The following AK7 variants were observed in gnomAD, a reference collection of about 807,000 sequenced individuals.
The protein encoded by AK7 is ATP-AMP transphosphorylase 7.
AK7 carries 78 observed loss-of-function variants against 96.6 expected under a neutral mutation model. The ratio of observed to expected loss-of-function variants is 0.81; its 90% CI spans 0.67 to 0.97. The LOEUF (loss-of-function observed/expected upper bound fraction) is 0.97, where lower values mean the gene tolerates loss of function less well. Among genes scored for constraint, AK7 ranks in the 50% least tolerant of loss-of-function variants. The pLI, the probability that AK7 is intolerant of heterozygous loss-of-function variation, is 0.00. For synonymous variants in AK7, 302 were observed against 317.2 expected (o/e 0.95, Z 0.51); for missense variants, 855 against 887.9 (o/e 0.96, Z 0.47).
intron 2 of AK7, among the ~76,000 whole-genome samples, chr14:96,400,139 A>G (rs1383050121): frequency 1.4e-5 from 2 of 147,880 alleles, no homozygotes; most frequent in African/African-American, 5.0e-5. Flanking sequence ...CCTGGGTTCA[A>G]GCGATTCTCC....
chr14:96,451,762 C>T (rs1332720667), intron 10 of AK7, among the ~76,000 whole-genome samples, 192 bp downstream of exon 10: 1 of 152,060 alleles, frequency 6.6e-6, no homozygotes, highest in African/African-American at 2.4e-5. Flanking sequence ...GTGAACCAAA[C>T]ATGAACAGTT....
chr14:96,468,280 G>A (rs961636511), intron 12 of AK7, among the ~76,000 whole-genome samples: 3 of 140,114 alleles, frequency 2.1e-5, no homozygotes, highest in Non-Finnish European at 4.6e-5. Context: ...CAAATACATA[G>A]CTTTTGCACT....
chr14:96,423,774 C>T, intron 5 of AK7: 1 of 736,294 alleles, frequency 1.4e-6, no homozygotes, highest in South Asian at 1.3e-5. Context: ...GCCACCGGGA[C>T]CCCGAGCGCG....
intron 6 of AK7, among the ~76,000 whole-genome samples, chr14:96,439,049 A>G (rs532843740): frequency 2.0e-4 from 30 of 152,320 alleles, no homozygotes; most frequent in African/African-American, 6.7e-4. Flanking sequence ...GTACAATGCA[A>G]TGAAAAGTTC....
chr14:96,414,658 G>A (rs1311666134), intron 4 of AK7, among the ~76,000 whole-genome samples: 2 of 152,024 alleles, frequency 1.3e-5, no homozygotes, highest in African/African-American at 2.4e-5. Flanking sequence ...TGTGGTAGGC[G>A]CTATGTCTGG....
intron 5 of AK7, among the ~76,000 whole-genome samples, chr14:96,426,142 T>C (rs1272698832): frequency 6.6e-6 from 1 of 152,220 alleles, no homozygotes; most frequent in African/African-American, 2.4e-5. Flanking sequence ...TCTGGTGATA[T>C]GATTTAGTTT....
At chr14:96,483,313 G>A in intron 16 of AK7, 94 bp downstream of exon 16, 1 of 1,262,748 alleles carries the variant, frequency 7.9e-7, no homozygotes, top group Non-Finnish European at 1.1e-6. Flanking sequence ...TTCCCATCCT[G>A]CTCTAGGGAA....
chr14:96,443,091 A>G (rs1893046719), intron 7 of AK7, among the ~76,000 whole-genome samples: 1 of 152,226 alleles, frequency 6.6e-6, no homozygotes, highest in African/African-American at 2.4e-5. Flanking sequence ...CAATTTTGGA[A>G]AAGAAAGAAC....
rs35861988 is a variant in AK7 at position 96,425,480 on chromosome 14, A to ATTTTTT, written c.609+4563_609+4568dup. Among the ~76,000 whole-genome samples, 146 of 119,080 alleles carry ATTTTTT rather than the reference A, an allele frequency of 1.2e-3. 1 individual carries two copies. The highest frequency in any genetic ancestry group is 1.7e-3 in the Non-Finnish European group (103 of 60,334). 78.1% of individuals were successfully genotyped at this position (119,080 alleles called of 152,430 possible). The stretch of plus-strand genomic sequence containing the variant: ...TTTCATCTTTTAATGAGTCACACTG[A>ATTTTTT]TTTTTTTTTTTTTTTTTTTTGAGAC... On this transcript the variant is annotated intron_variant, in intron 5 of 17. Coordinates refer to ENST00000267584, the MANE Select transcript of AK7 (RefSeq NM_152327.5).
In AK7 at chr14:96,483,207, C is replaced by T. The variant is rs763646429; in HGVS notation, c.1962C>T (p.Arg654=). The T allele has an allele frequency of 6.9e-6, 11 of 1,602,104 alleles. No individual in the cohort carries two copies. Among genetic ancestry groups the T allele is most frequent in the Non-Finnish European group, 9.4e-6 (11 of 1,174,800 alleles). Residue 654 remains arginine, a synonymous_variant, in exon 16 of 18, where the codon CGC becomes CGT. Coordinates refer to ENST00000267584, the MANE Select transcript of AK7 (RefSeq NM_152327.5). ...TGGAGATGGCAGAGAAGATAGCTCG[C>T]TGGGAGGAGTGGGTGAGTGGTGAGT... ...EAVEMAEKIA[R]WEEWNKRLEE...
chr14:96,483,097 A>C lies in AK7; in HGVS notation c.1852A>C (p.Lys618Gln), dbSNP rs775366162. 1.2e-6 allele frequency: 2 copies of C among 1,614,208 alleles called. No individual in the cohort carries two copies. Among genetic ancestry groups the C allele is most frequent in the Admixed American group, 1.7e-5 (1 of 60,016 alleles). Residue 618 changes from lysine to glutamine, a missense_variant, in exon 16 of 18, where the codon AAG (lysine) becomes CAG (glutamine). Transcript: ENST00000267584. ...AAATTATGGTTTAACAGACGAAGAA[A>C]AGGCAGAAGAGGAGCGGAAGGCTGC... ...PRNYGLTDEE[K>Q]AEEERKAAEE...
At chr14:96,455,601 A>G (rs1384366678) in intron 10 of AK7, among the ~76,000 whole-genome samples, 1 of 152,242 alleles carries the variant, frequency 6.6e-6, no homozygotes. Flanking sequence ...TTGCTTTGTT[A>G]CTGTTCCAAA....
chr14:96,472,522 C>T (rs867542454), intron 13 of AK7, among the ~76,000 whole-genome samples, 165 bp from the exon 14 acceptor site: 1 of 152,176 alleles, frequency 6.6e-6, no homozygotes, highest in Non-Finnish European at 1.5e-5. Context: ...TTTATCCATG[C>T]ATCTATCAAT....
intron 10 of AK7, among the ~76,000 whole-genome samples, 179 bp downstream of exon 10, chr14:96,451,749 C>G (rs1034518581): frequency 2.0e-5 from 3 of 151,974 alleles, no homozygotes; most frequent in Non-Finnish European, 4.4e-5. Flanking sequence ...CAAATTAATA[C>G]CTGTGAACCA....
chr14:96,456,650 C>T, intron 11 of AK7, 175 bp downstream of exon 11: 1 of 612,554 alleles, frequency 1.6e-6, no homozygotes, highest in Non-Finnish European at 2.7e-6. Context: ...GGCTTCTCTT[C>T]CCCCTCAGGC....
intron 15 of AK7, among the ~76,000 whole-genome samples, chr14:96,478,868 G>A (rs1269853682): frequency 1.3e-5 from 2 of 151,720 alleles, no homozygotes; most frequent in African/African-American, 4.8e-5. Flanking sequence ...ATTATCGTAT[G>A]AGAATTTATG....
At chr14:96,439,694 A>G (rs1892851923) in intron 6 of AK7, among the ~76,000 whole-genome samples, 1 of 152,030 alleles carries the variant, frequency 6.6e-6, no homozygotes, top group African/African-American at 2.4e-5. Flanking sequence ...TTTTAAAAAG[A>G]AAGAATGACA....
chr14:96,481,756 G>A (rs1386091718), intron 15 of AK7, among the ~76,000 whole-genome samples: 1 of 148,552 alleles, frequency 6.7e-6, no homozygotes, highest in African/African-American at 2.5e-5. Flanking sequence ...CCAAGCTGGA[G>A]TACAGTAGCT....
At chr14:96,402,601 G>C (rs1282530174) in intron 2 of AK7, among the ~76,000 whole-genome samples, 1 of 152,124 alleles carries the variant, frequency 6.6e-6, no homozygotes, top group Non-Finnish European at 1.5e-5. Flanking sequence ...GTACTGGGAA[G>C]GTAGTTTCCT....
Sources: allele counts gnomAD v4.1 joint callset (sites outside exome capture counted in the v4.1 genomes callset), GRCh38; gene constraint gnomAD v4.1.1; transcripts MANE v1.5; gene names NCBI Gene and HGNC (gene_info 2026-07-23, HGNC 2026-07-21).